Variants in TAF12 observed in about 807,000 individuals in gnomAD.
The protein encoded by TAF12 is TATA-box binding protein associated factor 12.
In TAF12, 3 loss-of-function variants were observed where a neutral mutation model predicts 20.8. The observed-to-expected ratio is 0.14, with a 90% CI of 0.07 to 0.37. The LOEUF is 0.37. Among genes scored for constraint, TAF12 ranks in the 10% least tolerant of loss-of-function variants. TAF12 has a pLI of 1.00. For synonymous variants in TAF12, 69 were observed against 70.2 expected, an observed-to-expected ratio of 0.98 and a Z score of 0.09; for missense variants, 131 against 197.9, an observed-to-expected ratio of 0.66 and a Z score of 2.03.
At chr1:28,618,081 C>G in intron 2 of TAF12, 51 bp from the exon 3 acceptor site, 1 of 1,522,292 alleles carries the variant, frequency 6.6e-7, no homozygotes, top group South Asian at 1.1e-5. Flanking sequence ...GGAAATGAAA[C>G]AAATCATTAC....
intron 4 of TAF12, among the ~76,000 whole-genome samples, chr1:28,605,862 G>A (rs1199656941): frequency 6.6e-6 from 1 of 152,116 alleles, no homozygotes; most frequent in Non-Finnish European, 1.5e-5. Flanking sequence ...GTGCAATGGC[G>A]CAATCTCGAC....
chr1:28,623,442 A>G (rs958435640), intron 1 of TAF12, among the ~76,000 whole-genome samples: 1 of 151,974 alleles, frequency 6.6e-6, no homozygotes, highest in Non-Finnish European at 1.5e-5. Context: ...AATTGCTTGA[A>G]CTCGGGATGC....
chr1:28,605,400 T>A lies in TAF12; in HGVS notation c.422A>T (p.Lys141Ile). Reference sequence around the variant, plus strand: ...TTTGTGAGCTTCTGTGGTGCAAGCTTTTTTGTAGGGTCGGATTTCTTCAGA... The same window carrying A: ...TTTGTGAGCTTCTGTGGTGCAAGCTATTTTGTAGGGTCGGATTTCTTCAGA... ...FGSEEIRPYKKACTTEAHKQR... is the reference protein window; with the variant it reads ...FGSEEIRPYKIACTTEAHKQR... Residue 141 changes from lysine (K) to isoleucine (I), a missense_variant, in exon 5 of 6, where the codon AAA becomes ATA. Physicochemically the swap from Lys to Ile is moderately radical, Grantham distance 102. Coordinates refer to ENST00000373824, the MANE Select transcript of TAF12 (RefSeq NM_005644.4). 1.9e-6 allele frequency: 3 copies of A among 1,614,020 alleles called. No individual in the cohort carries two copies. Among genetic ancestry groups the A allele is most frequent in the Non-Finnish European group, 2.5e-6 (3 of 1,180,002 alleles).
chr1:28,646,562 C>A (rs1016237870), upstream of TAF12, among the ~76,000 whole-genome samples: 3 of 151,970 alleles, frequency 2.0e-5, no homozygotes, highest in South Asian at 6.2e-4. Flanking sequence ...ACGGAGTTCG[C>A]TCTTGTTGCC....
At chr1:28,605,823 G>A (rs775279298) in intron 4 of TAF12, among the ~76,000 whole-genome samples, 5 of 152,022 alleles carry the variant, frequency 3.3e-5, no homozygotes, top group Non-Finnish European at 7.4e-5. Flanking sequence ...TCTTTAAGAC[G>A]GAATTTTGCT....
At chr1:28,645,192 C>T (rs1668154043), upstream of TAF12, among the ~76,000 whole-genome samples, 1 of 151,048 alleles carries the variant, frequency 6.6e-6, no homozygotes, top group South Asian at 2.1e-4. Flanking sequence ...CCCGCCACCG[C>T]GCCCGGCTAA....
chr1:28,615,042 G>A (rs1170462938), intron 3 of TAF12, among the ~76,000 whole-genome samples: 2 of 151,950 alleles, frequency 1.3e-5, no homozygotes, highest in South Asian at 2.1e-4. Context: ...CCAGTTAGTC[G>A]AGACTACAGT....
chr1:28,630,462 G>A (rs1322733692), intron 1 of TAF12, among the ~76,000 whole-genome samples: 3 of 152,028 alleles, frequency 2.0e-5, no homozygotes, highest in African/African-American at 7.2e-5. Flanking sequence ...TGAGGCAGGA[G>A]AATCGCTTGA....
rs751678140 is a variant in TAF12, at chr1:28,621,890, GAAGA to G, written c.168+20_168+23del. The G allele has an allele frequency of 2.5e-6, 4 of 1,609,464 alleles. No individual in the cohort carries two copies. The African/African-American group carries it at 4.0e-5, about 16-fold the overall frequency. On this transcript the variant is annotated intron_variant, in intron 2 of 5. Transcript: ENST00000373824. The stretch of plus-strand genomic sequence containing the variant: ...ATAATAGGTAAGAAGTGGCTACAGA[GAAGA>G]AAGAGTAAGAGGATGATACCTGATT...
chr1:28,638,940 C>T (rs576934164), intron 1 of TAF12, among the ~76,000 whole-genome samples: 8 of 151,554 alleles, frequency 5.3e-5, no homozygotes, highest in Non-Finnish European at 1.2e-4. Flanking sequence ...TATAGGCGCC[C>T]GTGCCCAGCT....
chr1:28,607,349 T>C lies in TAF12; in HGVS notation c.362-1889A>G, dbSNP rs114229987. ...GAGTTCAAGACCAGTGTAGGCATAATAGTGAGACTGCATTGTTACTAGAAA... is the reference window on the plus strand; with the variant it reads ...GAGTTCAAGACCAGTGTAGGCATAACAGTGAGACTGCATTGTTACTAGAAA... On this transcript the variant is annotated intron_variant, in intron 4 of 5. Coordinates refer to ENST00000373824, the MANE Select transcript of TAF12 (RefSeq NM_005644.4). 3.7e-3 allele frequency among the ~76,000 whole-genome samples: 558 copies of C among 151,784 alleles called. 3 individuals are homozygous for C. The highest frequency in any genetic ancestry group is 0.012 in the African/African-American group (507 of 41,386).
chr1:28,620,584 T>C (rs557194889), intron 2 of TAF12, among the ~76,000 whole-genome samples: 50 of 152,182 alleles, frequency 3.3e-4, no homozygotes, highest in Non-Finnish European at 4.3e-4. Context: ...TACAGGCGCC[T>C]GCCACCACGC....
chr1:28,607,982 C>T (rs976464436), intron 4 of TAF12, among the ~76,000 whole-genome samples: 2 of 151,734 alleles, frequency 1.3e-5, no homozygotes, highest in Non-Finnish European at 2.9e-5. Context: ...ACTAAAAATA[C>T]AAAAATTAGC....
chr1:28,617,047 G>A (rs921617154), intron 3 of TAF12, among the ~76,000 whole-genome samples: 12 of 152,154 alleles, frequency 7.9e-5, no homozygotes, highest in Admixed American at 5.9e-4. Context: ...TTGAACCCAG[G>A]AGGCGGAGGT....
At chr1:28,646,725 G>T (rs1356367859), upstream of TAF12, among the ~76,000 whole-genome samples, 2 of 132,116 alleles carry the variant, frequency 1.5e-5, no homozygotes, top group African/African-American at 2.9e-5. Flanking sequence ...TTGAGACAGA[G>T]TCTCACTCTG....
intron 1 of TAF12, among the ~76,000 whole-genome samples, chr1:28,635,329 G>T (rs1667786599): frequency 9.1e-6 from 1 of 110,296 alleles, no homozygotes; most frequent in Non-Finnish European, 1.8e-5. Context: ...TGTCGCCCAG[G>T]CTACAGTGCA....
At chr1:28,617,891 T>C in intron 3 of TAF12, 62 bp downstream of exon 3, 3 of 1,509,702 alleles carry the variant, frequency 2.0e-6, no homozygotes, top group Non-Finnish European at 2.8e-6. Flanking sequence ...GTTTGTGCTC[T>C]TAACCACTAT....
chr1:28,628,932 C>T (rs553346953), intron 1 of TAF12, among the ~76,000 whole-genome samples: 8 of 152,296 alleles, frequency 5.3e-5, no homozygotes, highest in South Asian at 4.1e-4. Context: ...ATTAACCAGG[C>T]GCGTTGGCGG....
rs527637914 is a variant in TAF12 at position 28,609,777 on chromosome 1, G to GT, written c.361+3469dup. 1.8e-3 allele frequency among the ~76,000 whole-genome samples: 274 copies of GT among 151,940 alleles called. 1 individual carries two copies. Among genetic ancestry groups the GT allele is most frequent in the Middle Eastern group, 6.8e-3 (2 of 294 alleles). Reference sequence around the variant, plus strand: ...GCTGGGATTACAGGCGTGAGCCACCGTGTCTGGCCCCAATTCACATTTGTT... The same window carrying GT: ...GCTGGGATTACAGGCGTGAGCCACCGTTGTCTGGCCCCAATTCACATTTGTT... On this transcript the variant is annotated intron_variant, in intron 4 of 5. Coordinates refer to ENST00000373824, the MANE Select transcript of TAF12 (RefSeq NM_005644.4).
Sources: allele counts gnomAD v4.1 joint callset (sites outside exome capture counted in the v4.1 genomes callset), GRCh38; gene constraint gnomAD v4.1.1; transcripts MANE v1.5; gene names NCBI Gene and HGNC (gene_info 2026-07-23, HGNC 2026-07-21).